Variants in ALK observed in about 807,000 individuals in gnomAD.
ALK encodes ALK tyrosine kinase receptor.
Under a neutral mutation model 163.1 loss-of-function variants are expected in ALK, and 74 were observed. The ratio of observed to expected loss-of-function variants is 0.45; its 90% CI spans 0.38 to 0.55. The LOEUF is 0.55. Among genes scored for constraint, ALK ranks in the 20% least tolerant of loss-of-function variants. The pLI, the probability that ALK is intolerant of heterozygous loss-of-function variation, is 0.00. For synonymous variants in ALK, 960 were observed against 843.2 expected (o/e 1.14, Z -2.40); for missense variants, 2,063 against 2,105.3 (o/e 0.98, Z 0.39).
chr2:29,247,697 C>A (rs996738481), intron 12 of ALK, among the ~76,000 whole-genome samples: 43 of 152,186 alleles, frequency 2.8e-4, no homozygotes, highest in African/African-American at 9.9e-4. Context: ...TGGTGGCCCC[C>A]CCTTGGCATG....
At chr2:29,699,470 A>G (rs776953058) in intron 2 of ALK, among the ~76,000 whole-genome samples, 7 of 152,214 alleles carry the variant, frequency 4.6e-5, no homozygotes, top group African/African-American at 4.8e-5. Context: ...AGTGTTGTTC[A>G]TCTCTCTCCT....
At chr2:29,728,729 G>C (rs1679646159) in intron 1 of ALK, among the ~76,000 whole-genome samples, 1 of 152,166 alleles carries the variant, frequency 6.6e-6, no homozygotes, top group Non-Finnish European at 1.5e-5. Context: ...TCCAACTCAA[G>C]TCTCTCAGAA....
At chr2:29,858,067 G>A (rs1666189698) in intron 1 of ALK, among the ~76,000 whole-genome samples, 1 of 152,092 alleles carries the variant, frequency 6.6e-6, no homozygotes, top group Non-Finnish European at 1.5e-5. Flanking sequence ...GCATGTGTGT[G>A]TGTGTGTATG....
chr2:29,261,210 T>C (rs1051320762), intron 11 of ALK, among the ~76,000 whole-genome samples: 3 of 152,242 alleles, frequency 2.0e-5, no homozygotes, highest in African/African-American at 7.2e-5. Context: ...CTGTCTTATA[T>C]CTTGTACAGA....
intron 3 of ALK, among the ~76,000 whole-genome samples, chr2:29,675,529 G>A (rs941969654): frequency 1.3e-5 from 2 of 151,934 alleles, no homozygotes; most frequent in East Asian, 1.9e-4. Flanking sequence ...GGGGAGGTCC[G>A]AACCCTCAGT....
At chr2:29,919,685 C>T (rs1191667102) in intron 1 of ALK, among the ~76,000 whole-genome samples, 2 of 152,078 alleles carry the variant, frequency 1.3e-5, no homozygotes, top group Admixed American at 6.6e-5. Flanking sequence ...GTCCCGGGGC[C>T]CAGGAAGAGG....
chr2:29,354,699 G>A (rs1316953342), intron 5 of ALK, among the ~76,000 whole-genome samples: 1 of 151,930 alleles, frequency 6.6e-6, no homozygotes, highest in South Asian at 2.1e-4. Context: ...TGCTTTCCTG[G>A]CACATGTAGC....
chr2:29,527,832 C>T (rs946032739), intron 4 of ALK, among the ~76,000 whole-genome samples: 3 of 152,046 alleles, frequency 2.0e-5, no homozygotes, highest in Non-Finnish European at 4.4e-5. Context: ...GCAGTTTGAC[C>T]TTCATCACGT....
chr2:29,387,236 C>T (rs900236180), intron 4 of ALK, among the ~76,000 whole-genome samples: 16 of 152,248 alleles, frequency 1.1e-4, no homozygotes, highest in African/African-American at 3.9e-4. Flanking sequence ...CTGGCTCTGC[C>T]CCTCATTTGC....
intron 4 of ALK, among the ~76,000 whole-genome samples, chr2:29,510,696 T>C (rs1009109977): frequency 2.0e-5 from 3 of 152,224 alleles, no homozygotes; most frequent in African/African-American, 7.2e-5. Flanking sequence ...TGGATGTTTA[T>C]AGACTGAGGA....
chr2:29,574,962 G>A (rs558175944), intron 3 of ALK, among the ~76,000 whole-genome samples: 8 of 152,138 alleles, frequency 5.3e-5, no homozygotes, highest in Non-Finnish European at 1.2e-4. Context: ...ATACCTGCAC[G>A]GCAACTTCAG....
rs1354736871 is a variant in ALK at position 29,227,148 on chromosome 2, AGGTGGTCACTGTGGGTGCTCT to A, written c.2915-95_2915-75del. On this transcript the variant is annotated intron_variant, in intron 17 of 28. Coordinates refer to ENST00000389048, the MANE Select transcript of ALK (RefSeq NM_004304.5). The surrounding 1 kb of genome is among the most constrained non-coding windows in gnomAD (Gnocchi z 4.4). ...CTCCCAGCCTCAGTACTATGTCTCC[AGGTGGTCACTGTGGGTGCTCT>A]GGTGGTCCCTGTTCCTAGGTCCCAT... 4.4e-6 allele frequency: 7 copies of A among 1,603,536 alleles called. No individual in the cohort carries two copies. The highest frequency in any genetic ancestry group is 1.3e-5 in the African/African-American group (1 of 74,736).
At chr2:29,719,869 G>A (rs1679374498) in intron 1 of ALK, among the ~76,000 whole-genome samples, 1 of 152,154 alleles carries the variant, frequency 6.6e-6, no homozygotes, top group South Asian at 2.1e-4. Context: ...CACTGAGCAT[G>A]CTTCAGAATA....
chr2:29,843,883 C>A lies in ALK; in HGVS notation c.667+76110G>T, dbSNP rs189986849. On this transcript the variant is annotated intron_variant, in intron 1 of 28. Coordinates refer to ENST00000389048, the MANE Select transcript of ALK (RefSeq NM_004304.5). ...ACTGTATGCTGAGCACATTATTAGG[C>A]ACCAAAGATCCAGCACCTGCCCTCA... Among the ~76,000 whole-genome samples the A allele has an allele frequency of 1.1e-3, 169 of 152,314 alleles. 1 individual carries two copies. Among genetic ancestry groups the A allele is most frequent in the Non-Finnish European group, 2.0e-3 (139 of 68,034 alleles).
chr2:29,209,310 G>A (rs1296207305), intron 25 of ALK, among the ~76,000 whole-genome samples: 1 of 152,140 alleles, frequency 6.6e-6, no homozygotes, highest in Non-Finnish European at 1.5e-5. Flanking sequence ...GGAAGCTGAG[G>A]CGGGCAGATC....
At chr2:29,541,444 C>A (rs191068392) in intron 3 of ALK, among the ~76,000 whole-genome samples, 36 of 152,282 alleles carry the variant, frequency 2.4e-4, no homozygotes, top group African/African-American at 8.2e-4. Context: ...AGGCTCACTA[C>A]CACACCCAGC....
At chr2:29,842,400 G>A (rs936852725) in intron 1 of ALK, among the ~76,000 whole-genome samples, 2 of 152,108 alleles carry the variant, frequency 1.3e-5, no homozygotes, top group Non-Finnish European at 2.9e-5. Context: ...CTGAATCTGG[G>A]GGTGTTCTTG....
chr2:29,220,570 C>A lies in ALK; in HGVS notation c.3645+136G>T, dbSNP rs532573258. On this transcript the variant is annotated intron_variant, in intron 23 of 28. Transcript: ENST00000389048. ...CCATTCTCTTCCAGCCAGTCAGTCA[C>A]CCCCCTGTCCAAGCCTAAAGTTGAC... 267 of 1,216,338 alleles carry A rather than the reference C, an allele frequency of 2.2e-4. 1 individual carries two copies. In the South Asian group the frequency reaches 2.6e-3, roughly 12 times the overall value. 75.3% of individuals were successfully genotyped at this position (1,216,338 alleles called of 1,614,324 possible).
At chr2:29,518,361 T>C (rs940980972) in intron 4 of ALK, among the ~76,000 whole-genome samples, 2 of 152,178 alleles carry the variant, frequency 1.3e-5, no homozygotes, top group African/African-American at 4.8e-5. Flanking sequence ...GGGCCAGAAT[T>C]GAATTTCTTT....
Sources: allele counts gnomAD v4.1 joint callset (sites outside exome capture counted in the v4.1 genomes callset), GRCh38; gene constraint gnomAD v4.1.1; non-coding constraint Gnocchi (gnomAD v3.1); transcripts MANE v1.5; gene names NCBI Gene and HGNC (gene_info 2026-07-23, HGNC 2026-07-21).